TRPV4: variants seen among roughly 807,000 people sequenced by gnomAD.
TRPV4 encodes the protein OSM9-like transient receptor potential channel 4.
TRPV4 carries 58 observed loss-of-function variants against 84.1 expected under a neutral mutation model. The ratio of observed to expected loss-of-function variants is 0.69; its 90% CI spans 0.56 to 0.86. The LOEUF is 0.86. Ranked by LOEUF, TRPV4 falls within the 40% of genes least tolerant of loss-of-function variation. The pLI, the probability that TRPV4 is intolerant of heterozygous loss-of-function variation, is 0.00. For synonymous variants in TRPV4, 489 were observed against 500.9 expected, an observed-to-expected ratio of 0.98 and a Z score of 0.32; for missense variants, 879 against 1,181.1, an observed-to-expected ratio of 0.74 and a Z score of 3.75.
In TRPV4 at chr12:109,803,031, C is replaced by A; in HGVS notation, c.672G>T (p.Arg224Ser). The stretch of plus-strand genomic sequence containing the variant: ...CACGGAAGGGCGAGTTAATGAACTC[C>A]CTCATGTTGCCGGTGCGCTCCGCGA... ...LDIAERTGNMREFINSPFRDI... is the reference protein window; with the variant it reads ...LDIAERTGNMSEFINSPFRDI... Residue 224 changes from arginine to serine, a missense_variant, in exon 4 of 16, where the codon AGG (arginine) becomes AGT (serine). Arg to Ser is a moderately radical substitution (Grantham distance 110). Around this residue, in one of 4 missense-constraint regions of TRPV4, gnomAD observed 521 missense variants for 686.6 expected, o/e 0.76. Coordinates refer to ENST00000261740, the MANE Select transcript of TRPV4 (RefSeq NM_021625.5). 2 of 1,614,164 alleles carry A rather than the reference C, an allele frequency of 1.2e-6. No homozygotes were observed. Among genetic ancestry groups the A allele is most frequent in the Non-Finnish European group, 1.7e-6 (2 of 1,180,040 alleles).
In TRPV4 at chr12:109,786,798, C is replaced by T. The variant is rs148171058; in HGVS notation, c.2248G>A (p.Val750Ile). The T allele has an allele frequency of 1.5e-3, 2,436 of 1,613,970 alleles. 7 individuals are homozygous for T. The highest frequency in any genetic ancestry group is 1.9e-3 in the Non-Finnish European group (2,184 of 1,180,000). ...GAGCGGAAGGCCTTCCTCAGGAATA[C>T]GGGGAAGGAGCGCTCAATGTCCAGG... Reference protein sequence around the residue: ...TILDIERSFPVFLRKAFRSGE... With the variant: ...TILDIERSFPIFLRKAFRSGE... The change falls in exon 14 of 16, where the codon GTA (valine) becomes ATA (isoleucine). Residue 750 changes from valine (V) to isoleucine (I), a missense_variant. By Grantham distance (29) the Val-to-Ile change is conservative (BLOSUM62 3). Transcript: ENST00000261740. This position sits in a 1 kb window ranked among gnomAD's most constrained non-coding sequence, Gnocchi z 4.5.
Position 109,814,588 on chromosome 12 carries a change from T to A in TRPV4, c.209A>T (p.Lys70Met), listed in dbSNP as rs1437603973. The change falls in exon 2 of 16, where the codon AAG becomes ATG. Residue 70 changes from lysine (K) to methionine (M), a missense_variant. By Grantham distance (95) the Lys-to-Met change is moderately conservative (BLOSUM62 -1). Transcript: ENST00000261740. This position sits in a 1 kb window ranked among gnomAD's most constrained non-coding sequence, Gnocchi z 5.4. ...PGDGRPNLRM[K>M]FQGAFRKGVP... ...CCCCTTGCGGAAGGCGCCCTGGAAC[T>A]TCATGCGCAGATTTGGTCGCCCATC... 4 of 1,613,986 alleles carry A rather than the reference T, an allele frequency of 2.5e-6. No homozygotes were observed. Among genetic ancestry groups the A allele is most frequent in the Non-Finnish European group, 3.4e-6 (4 of 1,180,004 alleles).
intron 1 of TRPV4, among the ~76,000 whole-genome samples, chr12:109,816,449 G>A (rs1891846237): frequency 6.6e-6 from 1 of 152,180 alleles, no homozygotes; most frequent in Non-Finnish European, 1.5e-5. Flanking sequence ...AGTGGGAAGT[G>A]AGGTCAGATA....
In TRPV4 at chr12:109,814,768, G is replaced by A. The variant is rs772563295; in HGVS notation, c.29C>T (p.Ala10Val). Residue 10 changes from alanine to valine, a missense_variant, in exon 2 of 16, where the codon GCG (alanine) becomes GTG (valine). Around this residue, in one of 4 missense-constraint regions of TRPV4, gnomAD observed 107 missense variants for 99.4 expected, o/e 1.08. Transcript: ENST00000261740. The surrounding 1 kb of genome is among the most constrained non-coding windows in gnomAD (Gnocchi z 5.4). MADSSEGPRAGPGEVAELPG... is the reference protein window; with the variant it reads MADSSEGPRVGPGEVAELPG... ...GAGCTCAGCCACCTCCCCGGGCCCCGCGCGGGGGCCTTCGCTGGAATCCGC... is the reference window on the plus strand; with the variant it reads ...GAGCTCAGCCACCTCCCCGGGCCCCACGCGGGGGCCTTCGCTGGAATCCGC... The A allele has an allele frequency of 2.8e-5, 44 of 1,554,306 alleles. 1 individual carries two copies. Among genetic ancestry groups the A allele is most frequent in the South Asian group, 3.5e-5 (3 of 85,186 alleles).
In TRPV4 at chr12:109,796,682, C is replaced by A. The variant is rs770364304; in HGVS notation, c.1175G>T (p.Arg392Leu). 1.2e-6 allele frequency: 2 copies of A among 1,613,122 alleles called. No individual in the cohort carries two copies. Among genetic ancestry groups the A allele is most frequent in the East Asian group, 2.2e-5 (1 of 44,856 alleles). Residue 392 changes from arginine to leucine, a missense_variant, in exon 7 of 16, where the codon CGG becomes CTG. By Grantham distance (102) the Arg-to-Leu change is moderately radical. Coordinates refer to ENST00000261740, the MANE Select transcript of TRPV4 (RefSeq NM_021625.5). The surrounding 1 kb of genome is among the most constrained non-coding windows in gnomAD (Gnocchi z 4.2). The part of the protein sequence containing the change: ...KIGIFQHIIR[R>L]EVTDEDTRHL... ...CCGTGTGTCCTCATCCGTCACCTCC[C>A]GCCGGATGATGTGCTGAAAGATCTG...
In TRPV4 at chr12:109,788,642, T is replaced by C; in HGVS notation, c.1966A>G (p.Thr656Ala). 6.2e-7 allele frequency: 1 copy of C among 1,614,164 alleles called. No individual in the cohort carries two copies. The highest frequency in any genetic ancestry group is 1.1e-5 in the South Asian group (1 of 91,078). ...NEDQTNCTVPTYPSCRDSETF... is the reference protein window; with the variant it reads ...NEDQTNCTVPAYPSCRDSETF... ...TCGCTGTCACGGCACGAGGGGTAAGTGGGCACTGTGCAGTTGGTCTGGTCC... is the reference window on the plus strand; with the variant it reads ...TCGCTGTCACGGCACGAGGGGTAAGCGGGCACTGTGCAGTTGGTCTGGTCC... Residue 656 changes from threonine to alanine, a missense_variant, in exon 13 of 16, where the codon ACT (threonine) becomes GCT (alanine). Around this residue, in one of 4 missense-constraint regions of TRPV4, gnomAD observed 242 missense variants for 355.3 expected, o/e 0.68. Transcript: ENST00000261740.
chr12:109,785,148 T>C (rs1280117246), intron 14 of TRPV4, among the ~76,000 whole-genome samples: 1 of 151,942 alleles, frequency 6.6e-6, no homozygotes, highest in East Asian at 1.9e-4. Flanking sequence ...CAGCCCCCCA[T>C]GTAGCTGGGA....
At chr12:109,795,745 G>T (rs112666247) in intron 7 of TRPV4, among the ~76,000 whole-genome samples, 1 of 152,094 alleles carries the variant, frequency 6.6e-6, no homozygotes, top group African/African-American at 2.4e-5. Flanking sequence ...TTTTTTGTTT[G>T]TTTGTTTGTT....
chr12:109,808,975 C>T (rs996276238), intron 2 of TRPV4, among the ~76,000 whole-genome samples: 1 of 151,148 alleles, frequency 6.6e-6, no homozygotes, highest in Non-Finnish European at 1.5e-5. Flanking sequence ...ATCCATCTAC[C>T]CATCCACTCA....
chr12:109,794,750 G>A (rs1388856955), intron 7 of TRPV4, among the ~76,000 whole-genome samples: 3 of 152,198 alleles, frequency 2.0e-5, no homozygotes, highest in Non-Finnish European at 4.4e-5. Flanking sequence ...GGCCGCAGTG[G>A]CTCATGCCTG....
At chr12:109,792,048 T>A (rs1412792549) in intron 12 of TRPV4, among the ~76,000 whole-genome samples, 2 of 148,618 alleles carry the variant, frequency 1.3e-5, no homozygotes, top group African/African-American at 5.0e-5. Context: ...ATGGCCAACA[T>A]GGTGAAACCC....
Position 109,792,581 on chromosome 12 carries a change from A to G in TRPV4, c.1824+71T>C, listed in dbSNP as rs1037011583. ...AGCATCCTCAGGTCTGCAGGTGCAT[A>G]AGTGTGCATGTGGTGTGTGTGTGAC... On this transcript the variant is annotated intron_variant, in intron 11 of 15. Coordinates refer to ENST00000261740, the MANE Select transcript of TRPV4 (RefSeq NM_021625.5). 1.9e-6 allele frequency: 3 copies of G among 1,599,950 alleles called. No homozygotes were observed. The African/African-American group carries it at 4.0e-5, about 21-fold the overall frequency.
At chr12:109,787,673 A>G (rs1172814379) in intron 13 of TRPV4, among the ~76,000 whole-genome samples, 2 of 152,236 alleles carry the variant, frequency 1.3e-5, no homozygotes, top group African/African-American at 4.8e-5. Context: ...AGAGCAGGCC[A>G]GAGCTGTTTC....
chr12:109,824,898 A>G (rs928123692), intron 1 of TRPV4, among the ~76,000 whole-genome samples: 4 of 152,146 alleles, frequency 2.6e-5, no homozygotes, highest in African/African-American at 9.7e-5. Context: ...TCTGCCACTC[A>G]CTGGCTGTAT....
At chr12:109,824,485 G>C (rs551809525) in intron 1 of TRPV4, among the ~76,000 whole-genome samples, 2 of 152,130 alleles carry the variant, frequency 1.3e-5, no homozygotes, top group Non-Finnish European at 2.9e-5. Context: ...GCCGGGCGCA[G>C]TGGCTCACGC....
In TRPV4 at chr12:109,814,147, T is replaced by C. The variant is rs1565882817; in HGVS notation, c.386+264A>G. On this transcript the variant is annotated intron_variant, in intron 2 of 15. Transcript: ENST00000261740. The surrounding 1 kb of genome is among the most constrained non-coding windows in gnomAD (Gnocchi z 5.4). ...GATGGATGGATGGAGGATATAGAGA[T>C]GGAGAGATGAATGGATTGATGGATA... is the stretch of plus-strand genomic sequence containing the variant. Among the ~76,000 whole-genome samples, 1 of 149,824 alleles carries C rather than the reference T, an allele frequency of 6.7e-6. No homozygotes were observed. The highest frequency in any genetic ancestry group is 2.1e-4 in the South Asian group (1 of 4,736).
chr12:109,826,159 G>A (rs1892246709), intron 1 of TRPV4, among the ~76,000 whole-genome samples: 1 of 152,126 alleles, frequency 6.6e-6, no homozygotes, highest in Non-Finnish European at 1.5e-5. Flanking sequence ...CAGAAGCTGG[G>A]ACCACAGGCA....
intron 3 of TRPV4, among the ~76,000 whole-genome samples, chr12:109,806,939 T>C (rs538993435): frequency 1.3e-5 from 2 of 150,862 alleles, no homozygotes; most frequent in South Asian, 2.1e-4. Flanking sequence ...TTGTTCACCC[T>C]GTTTGGGAAC....
At chr12:109,785,957 C>T (rs978868323) in intron 14 of TRPV4, among the ~76,000 whole-genome samples, 4 of 151,990 alleles carry the variant, frequency 2.6e-5, no homozygotes, top group African/African-American at 9.7e-5. Flanking sequence ...AGGCTGCAGT[C>T]AGCTATGATC....
Sources: gnomAD v4.1 joint callset for allele counts (sites outside exome capture counted in the v4.1 genomes callset) on GRCh38, gnomAD v4.1.1 for gene constraint, gnomAD v4.1.1 regional missense constraint, Gnocchi (gnomAD v3.1) non-coding constraint, MANE v1.5 for transcripts, NCBI Gene and HGNC (gene_info 2026-07-23, HGNC 2026-07-21) for gene names.